Variants in ZNF44 observed in about 807,000 individuals in gnomAD.
The protein encoded by ZNF44 is zinc finger protein 44, also known as gonadotropin inducible transcription repressor-2.
A neutral mutation model predicts 11.7 loss-of-function variants in ZNF44; 9 were observed. The ratio of observed to expected loss-of-function variants is 0.77; its 90% CI spans 0.46 to 1.35. The LOEUF (loss-of-function observed/expected upper bound fraction) is 1.35, where lower values mean the gene tolerates loss of function less well. Among genes scored for constraint, ZNF44 ranks in the 40% most tolerant of loss-of-function variants. ZNF44 has a pLI of 0.00. For synonymous variants in ZNF44, 224 were observed against 242.7 expected (o/e 0.92, Z 0.72); for missense variants, 696 against 743.1 (o/e 0.94, Z 0.74).
chr19:12,250,114 T>C, intron 6 of ZNF44: 5 of 1,247,836 alleles, frequency 4.0e-6, no homozygotes, highest in Non-Finnish European at 5.2e-6. Context: ...TAGGTCCATA[T>C]GTGACCATGC....
intron 1 of ZNF44, among the ~76,000 whole-genome samples, chr19:12,286,003 A>G (rs1967726938): frequency 6.6e-6 from 1 of 152,052 alleles, no homozygotes; most frequent in Non-Finnish European, 1.5e-5. Flanking sequence ...TGGGTGACAG[A>G]GCGAGACTCC....
At chr19:12,238,997 T>G (rs1681284921), upstream of ZNF44, among the ~76,000 whole-genome samples, 1 of 152,188 alleles carries the variant, frequency 6.6e-6, no homozygotes, top group Admixed American at 6.5e-5. Flanking sequence ...GGACCTTAAT[T>G]TTCACCAGCA....
intron 2 of ZNF44, among the ~76,000 whole-genome samples, chr19:12,230,712 G>A (rs1358168078): frequency 6.6e-6 from 1 of 152,216 alleles, no homozygotes; most frequent in East Asian, 1.9e-4. Context: ...GTAAGAGTTA[G>A]AGGAAAGAAA....
intron 1 of ZNF44, among the ~76,000 whole-genome samples, chr19:12,276,742 A>C (rs76762933): frequency 6.6e-6 from 1 of 152,324 alleles, no homozygotes; most frequent in East Asian, 1.9e-4. Context: ...GTAGTGGTTT[A>C]AGAGGTGAGT....
intron 1 of ZNF44, among the ~76,000 whole-genome samples, chr19:12,288,878 C>G (rs1307102297): frequency 6.7e-6 from 1 of 148,210 alleles, no homozygotes; most frequent in Non-Finnish European, 1.5e-5. Flanking sequence ...AAAGAAACAT[C>G]CTTCACTGAC....
intron 1 of ZNF44, among the ~76,000 whole-genome samples, chr19:12,235,695 T>TA (rs1916361438): frequency 1.3e-5 from 2 of 152,210 alleles, no homozygotes; most frequent in African/African-American, 4.8e-5. Context: ...CTCATGCCTG[T>TA]AATCCCAGCA....
intron 5 of ZNF44, among the ~76,000 whole-genome samples, chr19:12,261,837 ACTTT>A (rs915265846): frequency 6.6e-6 from 1 of 152,098 alleles, no homozygotes; most frequent in African/African-American, 2.4e-5. Flanking sequence ...CTCAACCCAC[ACTTT>A]CTTTTAGATT....
chr19:12,241,986 G>A (rs1022234041), upstream of ZNF44, among the ~76,000 whole-genome samples: 1 of 152,106 alleles, frequency 6.6e-6, no homozygotes, highest in Non-Finnish European at 1.5e-5. Context: ...GACGCACCTA[G>A]AATCAGCAAA....
chr19:12,291,603 T>C (rs748240774), intron 1 of ZNF44, among the ~76,000 whole-genome samples: 44 of 149,910 alleles, frequency 2.9e-4, no homozygotes, highest in South Asian at 1.1e-3. Flanking sequence ...GATGCTGAGG[T>C]GGAAGGATCT....
upstream of ZNF44, among the ~76,000 whole-genome samples, chr19:12,241,942 C>T (rs1916632233): frequency 6.6e-6 from 1 of 152,098 alleles, no homozygotes; most frequent in Non-Finnish European, 1.5e-5. Flanking sequence ...AAGCCAGACA[C>T]ATAAGGACAA....
chr19:12,270,000 A>G (rs1290057516), downstream of ZNF44, among the ~76,000 whole-genome samples: 1 of 152,224 alleles, frequency 6.6e-6, no homozygotes, highest in African/African-American at 2.4e-5. Context: ...TGCTCACTCC[A>G]TAAGCAGCAA....
At chr19:12,231,792 G>A (rs1336323471) in intron 2 of ZNF44, among the ~76,000 whole-genome samples, 1 of 152,156 alleles carries the variant, frequency 6.6e-6, no homozygotes, top group Non-Finnish European at 1.5e-5. Context: ...GGATTTACAG[G>A]GCAAATTTGT....
intron 1 of ZNF44, among the ~76,000 whole-genome samples, chr19:12,236,733 C>A (rs1916404700): frequency 6.6e-6 from 1 of 152,212 alleles, no homozygotes; most frequent in Non-Finnish European, 1.5e-5. Flanking sequence ...CACATACTTG[C>A]TTTATCTTAT....
At chr19:12,277,756 A>C (rs1449257222) in intron 1 of ZNF44, among the ~76,000 whole-genome samples, 1 of 148,828 alleles carries the variant, frequency 6.7e-6, no homozygotes, top group Non-Finnish European at 1.5e-5. Context: ...CACAGAGTGT[A>C]CAGATCACAT....
At chr19:12,234,116 G>T (rs1916280680) in intron 2 of ZNF44, among the ~76,000 whole-genome samples, 1 of 151,516 alleles carries the variant, frequency 6.6e-6, no homozygotes, top group South Asian at 2.1e-4. Flanking sequence ...AATAGGTTTT[G>T]AACGTACATT....
chr19:12,273,511 A>C lies in ZNF44; in HGVS notation c.744T>G (p.Thr248=). ...GCTTACATTCATACGGTTTCTCCCC[A>C]GTGTGTATTTTTTCATGTCTTAGAT... The part of the protein sequence containing the change: ...SSYLRHEKIH[T]GEKPYECKQC... Residue 248 remains threonine (T), a synonymous_variant, in exon 4 of 4, where the codon ACT becomes ACG. Transcript: ENST00000355684. 1 of 1,614,100 alleles carries C rather than the reference A, an allele frequency of 6.2e-7. No homozygotes were observed. The highest frequency in any genetic ancestry group is 8.5e-7 in the Non-Finnish European group (1 of 1,180,026).
At chr19:12,268,549 G>C (rs1004364903), downstream of ZNF44, among the ~76,000 whole-genome samples, 2 of 152,140 alleles carry the variant, frequency 1.3e-5, no homozygotes, top group African/African-American at 4.8e-5. Flanking sequence ...AATGGTTTCA[G>C]AGCCAGGAGA....
At chr19:12,255,031 G>A (rs1194396881) in intron 5 of ZNF44, among the ~76,000 whole-genome samples, 1 of 150,096 alleles carries the variant, frequency 6.7e-6, no homozygotes, top group Non-Finnish European at 1.5e-5. Context: ...AGAGGTTGTG[G>A]TGAACCAAGA....
At position 12,287,030 on chromosome 19, in the gene ZNF44, T is replaced by C. The variant is rs142205425; in HGVS notation, c.3+7662A>G. 2.4e-3 allele frequency among the ~76,000 whole-genome samples: 339 copies of C among 142,092 alleles called. 3 individuals carry two copies. In the East Asian group the frequency reaches 0.031, roughly 13 times the overall value. The allele number at this position is 142,092 out of a possible 152,430, so 93.2% of individuals were successfully genotyped here. On this transcript the variant is annotated intron_variant, in intron 1 of 3. Transcript: ENST00000355684. Reference sequence around the variant, plus strand: ...TGTGCATTCCTTTTATATATATATATACACACACACACACACGTATAATAT... The same window carrying C: ...TGTGCATTCCTTTTATATATATATACACACACACACACACACGTATAATAT...
Sources: allele counts gnomAD v4.1 joint callset (sites outside exome capture counted in the v4.1 genomes callset), GRCh38; gene constraint gnomAD v4.1.1; transcripts MANE v1.5; gene names NCBI Gene and HGNC (gene_info 2026-07-23, HGNC 2026-07-21).